SPEG: variants seen among roughly 807,000 people sequenced by gnomAD.
SPEG encodes the protein striated muscle preferentially expressed protein kinase.
SPEG carries 114 observed loss-of-function variants against 300.4 expected under a neutral mutation model. The observed-to-expected ratio is 0.38, with a 90% CI of 0.33 to 0.44. SPEG has a LOEUF of 0.44. SPEG is among the 20% of genes least tolerant of loss of function. The probability of loss-of-function intolerance (pLI) is 1.00; values close to 1 mark genes in which losing one functional copy is unlikely to be tolerated. For missense variants in SPEG, 4,201 were observed against 4,586.2 expected (o/e 0.92, Z 2.43); for synonymous variants, 1,964 against 2,018.9 (o/e 0.97, Z 0.73).
chr2:219,484,512 G>T lies in SPEG; in HGVS notation c.7049G>T (p.Arg2350Leu). 1 of 1,603,490 alleles carries T rather than the reference G, an allele frequency of 6.2e-7. No homozygotes were observed. Residue 2350 changes from arginine to leucine, a missense_variant, in exon 30 of 41, where the codon CGG becomes CTG. Transcript: ENST00000312358. ...SRESPLSLGLRLLSRSRSEER... is the reference protein window; with the variant it reads ...SRESPLSLGLLLLSRSRSEER... ...GAGTCGCCCCTGTCGCTGGGGCTGCGGCTGCTGAGCCGTTCGCGCTCGGAG... is the reference window on the plus strand; with the variant it reads ...GAGTCGCCCCTGTCGCTGGGGCTGCTGCTGCTGAGCCGTTCGCGCTCGGAG...
At position 219,479,372 on chromosome 2, in the gene SPEG, C is replaced by A. The variant is rs1692626044; in HGVS notation, c.5085+171C>A. 6.6e-6 allele frequency among the ~76,000 whole-genome samples: 1 copy of A among 152,158 alleles called. No homozygotes were observed. Among genetic ancestry groups the A allele is most frequent in the Admixed American group, 6.5e-5 (1 of 15,278 alleles). Reference sequence around the variant, plus strand: ...AGAGTCCCCACCCAATGATACCAGACCCCCATCTATCTGAGACTTGTGCTA... The same window carrying A: ...AGAGTCCCCACCCAATGATACCAGAACCCCATCTATCTGAGACTTGTGCTA... On this transcript the variant is annotated intron_variant, in intron 23 of 40. Transcript: ENST00000312358. This position sits in a 1 kb window ranked among gnomAD's most constrained non-coding sequence, Gnocchi z 5.5.
intron 3 of SPEG, among the ~76,000 whole-genome samples, chr2:219,446,449 C>A (rs1689296391): frequency 1.3e-5 from 2 of 152,166 alleles, no homozygotes; most frequent in Non-Finnish European, 2.9e-5. Flanking sequence ...ACTCTGCGGC[C>A]CTTCCCCCAG....
intron 1 of SPEG, among the ~76,000 whole-genome samples, chr2:219,438,524 T>C (rs1399219037): frequency 6.6e-6 from 1 of 152,158 alleles, no homozygotes; most frequent in African/African-American, 2.4e-5. Flanking sequence ...TAGGCAGGCA[T>C]TCTTCTTTTT....
chr2:219,473,748 A>G lies in SPEG; in HGVS notation c.4292A>G (p.Glu1431Gly). The G allele has an allele frequency of 3.1e-6, 5 of 1,613,646 alleles. No individual in the cohort carries two copies. Among genetic ancestry groups the G allele is most frequent in the Non-Finnish European group, 4.2e-6 (5 of 1,179,762 alleles). ...VWRSCRGALLEARAGVYELSQ... is the reference protein window; with the variant it reads ...VWRSCRGALLGARAGVYELSQ... ...CCTAGCTGCCGAGGGGCCCTCCTAGAGGCACGGGCCGGTGTGTACGAGCTG... is the reference window on the plus strand; with the variant it reads ...CCTAGCTGCCGAGGGGCCCTCCTAGGGGCACGGGCCGGTGTGTACGAGCTG... The change falls in exon 18 of 41, where the codon GAG becomes GGG. Residue 1431 changes from glutamate (E) to glycine (G), a missense_variant. Glu to Gly is a moderately conservative substitution (Grantham distance 98, BLOSUM62 -2). Around this residue, in one of 4 missense-constraint regions of SPEG, gnomAD observed 1,047 missense variants for 1,356.8 expected, o/e 0.77. Coordinates refer to ENST00000312358, the MANE Select transcript of SPEG (RefSeq NM_005876.5). The surrounding 1 kb of genome is among the most constrained non-coding windows in gnomAD (Gnocchi z 4.6).
In SPEG at chr2:219,492,913, T is replaced by A; in HGVS notation, c.*127T>A. The A allele has an allele frequency of 1.0e-6, 1 of 1,003,668 alleles. No homozygotes were observed. Among genetic ancestry groups the A allele is most frequent in the Non-Finnish European group, 1.5e-6 (1 of 662,236 alleles). The allele number at this position is 1,003,668 out of a possible 1,614,324, so 62.2% of individuals were successfully genotyped here. A position where few individuals can be genotyped will look rare whatever the true frequency, so the allele number is the denominator to read the frequency against. ...GTTACCACCAGCAGCAACATCTGGC[T>A]GGGCTCTTACCTCATAGACCTTCAA... On this transcript the variant is annotated 3_prime_UTR_variant, in exon 41 of 41. Transcript: ENST00000312358.
intron 22 of SPEG, 92 bp downstream of exon 22, chr2:219,478,197 AAGT>A: frequency 8.9e-7 from 1 of 1,121,610 alleles, no homozygotes; most frequent in Admixed American, 2.3e-5. Flanking sequence ...ACAGTTTACA[AAGT>A]AGTCCCAATT....
At position 219,444,686 on chromosome 2, in the gene SPEG, T is replaced by A. The variant is rs774629162; in HGVS notation, c.422T>A (p.Val141Glu). The change falls in exon 2 of 41, where the codon GTG (valine) becomes GAG (glutamate). Residue 141 changes from valine to glutamate, a missense_variant. By Grantham distance (121) the Val-to-Glu change is moderately radical (BLOSUM62 -2). Transcript: ENST00000312358. This position sits in a 1 kb window ranked among gnomAD's most constrained non-coding sequence, Gnocchi z 7.8. ...SETAEDDISD[V>E]QGTQRLELRD... ...ACGGCTGAGGATGACATCAGCGATG[T>A]GCAGGGAACCCAGCGCCTGGAGCTT... 2.5e-6 allele frequency: 4 copies of A among 1,614,014 alleles called. No individual in the cohort carries two copies. Among genetic ancestry groups the A allele is most frequent in the Non-Finnish European group, 2.5e-6 (3 of 1,179,930 alleles).
At chr2:219,462,453 C>A in intron 8 of SPEG, 67 bp downstream of exon 8, 1 of 1,333,080 alleles carries the variant, frequency 7.5e-7, no homozygotes, top group East Asian at 2.5e-5. Context: ...GGAGGTCTGG[C>A]TTTGGGTGGA....
rs916651769 is a variant in SPEG at position 219,449,038 on chromosome 2, C to A, written c.1880C>A (p.Pro627His). The A allele has an allele frequency of 1.3e-5, 20 of 1,520,074 alleles. No homozygotes were observed. The Middle Eastern group carries it at 1.0e-3, about 77-fold the overall frequency. 94.2% of individuals were successfully genotyped at this position (1,520,074 alleles called of 1,614,324 possible). The change falls in exon 4 of 41, where the codon CCC becomes CAC. Residue 627 changes from proline (P) to histidine (H), a missense_variant. Around this residue, in one of 4 missense-constraint regions of SPEG, gnomAD observed 1,258 missense variants for 1,293.9 expected, o/e 0.97. Transcript: ENST00000312358. ...DPPEARTKAP[P>H]GRKREPPAQA... The stretch of plus-strand genomic sequence containing the variant: ...CCAGAGGCCAGGACGAAAGCACCCC[C>A]CGGTCGGAAGCGGGAGCCCCCGGCG...
At chr2:219,488,044 C>G (rs765757749) in intron 31 of SPEG, 150 bp from the exon 32 acceptor site, 5 of 633,802 alleles carry the variant, frequency 7.9e-6, no homozygotes, top group Non-Finnish European at 1.4e-5. Context: ...GAAGGCATGG[C>G]GTGGGGTTCC....
At chr2:219,452,041 A>T (rs948759801) in intron 6 of SPEG, among the ~76,000 whole-genome samples, 1 of 152,232 alleles carries the variant, frequency 6.6e-6, no homozygotes, top group African/African-American at 2.4e-5. Flanking sequence ...TGGCCAATTC[A>T]TGAAGTCAGT....
intron 3 of SPEG, 133 bp from the exon 4 acceptor site, chr2:219,447,841 G>T: frequency 2.5e-6 from 2 of 789,708 alleles, no homozygotes; most frequent in Non-Finnish European, 2.0e-6. Context: ...GTGGGGGTGG[G>T]GGGCAGGAGG....
intron 9 of SPEG, chr2:219,466,416 CTGTT>C (rs1691366355): frequency 7.7e-7 from 1 of 1,297,864 alleles, no homozygotes; most frequent in Non-Finnish European, 9.8e-7. Flanking sequence ...GCCTGTCTAT[CTGTT>C]TGTCTGTCTG....
At position 219,472,874 on chromosome 2, in the gene SPEG, G is replaced by T. The variant is rs1204727453; in HGVS notation, c.3941-16G>T. 9.6e-6 allele frequency: 15 copies of T among 1,560,138 alleles called. No homozygotes were observed. The highest frequency in any genetic ancestry group is 1.3e-5 in the Non-Finnish European group (15 of 1,149,742). On this transcript the variant is annotated splice_polypyrimidine_tract_variant and intron_variant, in intron 15 of 40. Transcript: ENST00000312358. ...GCTCCTGCAACAGCAGCCTCTAGTA[G>T]CTCCTCTCCCGCCAGACCCGGACTC... is the stretch of plus-strand genomic sequence containing the variant.
In SPEG at chr2:219,464,587, G is replaced by A. The variant is rs560167789; in HGVS notation, c.2860G>A (p.Glu954Lys). The A allele has an allele frequency of 1.9e-6, 3 of 1,614,146 alleles. No homozygotes were observed. Among genetic ancestry groups the A allele is most frequent in the South Asian group, 2.2e-5 (2 of 91,084 alleles). The part of the protein sequence containing the change: ...AVNEYGARQC[E>K]ARLEVRAHPE... ...CAATGAGTATGGTGCTCGGCAGTGCGAGGCCCGCTTGGAGGTCCGAGGTGA... is the reference window on the plus strand; with the variant it reads ...CAATGAGTATGGTGCTCGGCAGTGCAAGGCCCGCTTGGAGGTCCGAGGTGA... Residue 954 changes from glutamate to lysine, a missense_variant, in exon 9 of 41, where the codon GAG (glutamate) becomes AAG (lysine). By Grantham distance (56) the Glu-to-Lys change is moderately conservative (BLOSUM62 1). Transcript: ENST00000312358. The surrounding 1 kb of genome is among the most constrained non-coding windows in gnomAD (Gnocchi z 4.5).
rs750462636 is a variant in SPEG at position 219,483,954 on chromosome 2, C to T, written c.6491C>T (p.Ser2164Phe). The T allele has an allele frequency of 6.2e-7, 1 of 1,607,588 alleles. No individual in the cohort carries two copies. Among genetic ancestry groups the T allele is most frequent in the Non-Finnish European group, 8.5e-7 (1 of 1,179,814 alleles). The change falls in exon 30 of 41, where the codon TCT (serine) becomes TTT (phenylalanine). Residue 2164 changes from serine to phenylalanine, a missense_variant. Coordinates refer to ENST00000312358, the MANE Select transcript of SPEG (RefSeq NM_005876.5). ...CTTGGGGCCCGTAGGCTACAGGAGT[C>T]TCCTTCCCTGTCTGCCCTCAGCGAG... ...ARLGARRLQE[S>F]PSLSALSEAQ...
chr2:219,486,832 C>T (rs1257745507), intron 31 of SPEG, among the ~76,000 whole-genome samples: 3 of 152,130 alleles, frequency 2.0e-5, no homozygotes, highest in Non-Finnish European at 4.4e-5. Flanking sequence ...CTACCCAGTA[C>T]CCTCACTTGG....
chr2:219,492,086 T>C, intron 39 of SPEG, 25 bp from the exon 40 acceptor site: 1 of 1,603,164 alleles, frequency 6.2e-7, no homozygotes, highest in Non-Finnish European at 8.5e-7. Context: ...TCTGCATACG[T>C]CAATCAAGCT....
In SPEG at chr2:219,472,314, G is replaced by T. The variant is rs566879977; in HGVS notation, c.3923G>T (p.Ser1308Ile). The T allele has an allele frequency of 1.1e-5, 18 of 1,613,740 alleles. No individual in the cohort carries two copies. Among genetic ancestry groups the T allele is most frequent in the Middle Eastern group, 1.6e-4 (1 of 6,062 alleles). Residue 1308 changes from serine (S) to isoleucine (I), a missense_variant, in exon 15 of 41, where the codon AGT becomes ATT. Around this residue, in one of 4 missense-constraint regions of SPEG, gnomAD observed 1,047 missense variants for 1,356.8 expected, o/e 0.77. Transcript: ENST00000312358. ...MVTLTWNPPR[S>I]LDMAIDPDSL... ...ACACTCACATGGAACCCCCCCAGGA[G>T]TCTGGACATGGCCATCGGTGGGTCA...
Sources: allele counts gnomAD v4.1 joint callset (sites outside exome capture counted in the v4.1 genomes callset), GRCh38; gene constraint gnomAD v4.1.1; regional missense constraint gnomAD v4.1.1; non-coding constraint Gnocchi (gnomAD v3.1); transcripts MANE v1.5; gene names NCBI Gene and HGNC (gene_info 2026-07-23, HGNC 2026-07-21).